Variants in NRG1 observed in about 807,000 individuals in gnomAD.
NRG1 encodes the protein pro-neuregulin-1, membrane-bound isoform.
Under a neutral mutation model 63.8 loss-of-function variants are expected in NRG1, and 18 were observed. That is an observed-to-expected ratio of 0.28 (90% CI 0.19 to 0.42). NRG1 has a LOEUF of 0.42. NRG1 is among the 10% of genes least tolerant of loss of function. NRG1 has a pLI of 1.00. For missense variants in NRG1, 762 were observed against 814.7 expected (o/e 0.94, Z 0.79); for synonymous variants, 302 against 301.3 (o/e 1.00, Z -0.02).
At chr8:32,275,555 A>C (rs572844693) in intron 1 of NRG1, among the ~76,000 whole-genome samples, 1 of 152,270 alleles carries the variant, frequency 6.6e-6, no homozygotes, top group South Asian at 2.1e-4. Context: ...ATGAAAGAGC[A>C]AAATCCCTGG....
At chr8:32,759,637 C>T (rs757250953) in intron 10 of NRG1, among the ~76,000 whole-genome samples, 63 of 152,150 alleles carry the variant, frequency 4.1e-4, no homozygotes, top group Non-Finnish European at 1.2e-4. Flanking sequence ...CCGTTGTTTC[C>T]CATTCCTGAG....
At chr8:32,001,081 C>T (rs372670013) in intron 1 of NRG1, among the ~76,000 whole-genome samples, 5 of 152,038 alleles carry the variant, frequency 3.3e-5, no homozygotes, top group Non-Finnish European at 7.4e-5. Flanking sequence ...CATGTTCCCC[C>T]TATTATGAAC....
At position 32,079,088 on chromosome 8, in the gene NRG1, T is replaced by C. The variant is rs144589417; in HGVS notation, c.37+439657T>C. Among the ~76,000 whole-genome samples, 402 of 152,020 alleles carry C rather than the reference T, an allele frequency of 2.6e-3. 4 individuals carry two copies. The highest frequency in any genetic ancestry group is 9.2e-3 in the African/African-American group (382 of 41,500). On this transcript the variant is annotated intron_variant, in intron 1 of 10. Transcript: ENST00000519301. ...GGAAAGAAGCAAGGATCCCCAGTTATGCTGATTGGAACTAGGACTAATGGT... is the reference window on the plus strand; with the variant it reads ...GGAAAGAAGCAAGGATCCCCAGTTACGCTGATTGGAACTAGGACTAATGGT...
At chr8:32,670,454 A>G (rs1363452881) in intron 5 of NRG1, among the ~76,000 whole-genome samples, 1 of 152,070 alleles carries the variant, frequency 6.6e-6, no homozygotes, top group African/African-American at 2.4e-5. Flanking sequence ...ATGGCTGACT[A>G]TAAGGGTTAT....
chr8:31,676,213 C>T (rs1042275264), intron 1 of NRG1, among the ~76,000 whole-genome samples: 2 of 151,944 alleles, frequency 1.3e-5, no homozygotes, highest in African/African-American at 2.4e-5. Context: ...GCCTTTTGCC[C>T]GTAAGTTTAT....
chr8:31,881,791 G>A (rs186151703), intron 1 of NRG1, among the ~76,000 whole-genome samples: 90 of 152,188 alleles, frequency 5.9e-4, no homozygotes, highest in Non-Finnish European at 1.1e-3. Flanking sequence ...ATTCTCTTAA[G>A]CCAAAGCTAA....
At chr8:32,120,706 T>C (rs1833335455) in intron 1 of NRG1, among the ~76,000 whole-genome samples, 1 of 152,012 alleles carries the variant, frequency 6.6e-6, no homozygotes, top group Admixed American at 6.6e-5. Flanking sequence ...AGGGAAGAAG[T>C]TAACCTCCTG....
intron 1 of NRG1, among the ~76,000 whole-genome samples, chr8:32,232,769 T>C (rs918565002): frequency 6.6e-6 from 1 of 152,180 alleles, no homozygotes; most frequent in African/African-American, 2.4e-5. Context: ...TTTGAAGATA[T>C]TGCCTAACAA....
intron 1 of NRG1, among the ~76,000 whole-genome samples, chr8:32,582,288 A>T (rs4570114): frequency 0.26 from 38,903 of 151,416 alleles, 5,107 homozygotes; most frequent in South Asian, 0.33. Context: ...TGTAAAGATG[A>T]TGTTTTACCA....
At chr8:31,695,288 G>A (rs1012426606) in intron 1 of NRG1, among the ~76,000 whole-genome samples, 5 of 152,184 alleles carry the variant, frequency 3.3e-5, no homozygotes, top group African/African-American at 1.2e-4. Flanking sequence ...TTATGCCTCA[G>A]CCTCCCGAGT....
chr8:31,835,948 A>G (rs559132015), intron 1 of NRG1, among the ~76,000 whole-genome samples: 2 of 152,322 alleles, frequency 1.3e-5, no homozygotes, highest in South Asian at 4.1e-4. Context: ...ATGAAACTAA[A>G]GAACAGATGT....
chr8:32,749,014 G>C (rs1263346157), intron 7 of NRG1: 1 of 178,382 alleles, frequency 5.6e-6, no homozygotes, highest in East Asian at 1.8e-4. Flanking sequence ...AAGTATTTGA[G>C]GCCAGCTACC....
chr8:32,765,829 G>C (rs1338132144), exon 12 of NRG1: 1 of 152,154 alleles, frequency 6.6e-6, no homozygotes, highest in Admixed American at 6.5e-5. Context: ...GTAGGACTAA[G>C]ATTGGTCTAA....
intron 1 of NRG1, among the ~76,000 whole-genome samples, chr8:32,377,255 C>T (rs1809748818): frequency 6.6e-6 from 1 of 152,194 alleles, no homozygotes; most frequent in East Asian, 1.9e-4. Flanking sequence ...TTTGTTTCCC[C>T]ATTTACCCAA....
chr8:32,356,216 A>G (rs1484793495), intron 1 of NRG1, among the ~76,000 whole-genome samples: 1 of 152,210 alleles, frequency 6.6e-6, no homozygotes, highest in African/African-American at 2.4e-5. Context: ...CAAACATATG[A>G]AGAGAAATGT....
chr8:31,724,252 G>A (rs1322687839), intron 1 of NRG1, among the ~76,000 whole-genome samples: 1 of 152,034 alleles, frequency 6.6e-6, no homozygotes, highest in African/African-American at 2.4e-5. Flanking sequence ...TCAGGCTGGG[G>A]ATACTATGAA....
At chr8:32,307,284 A>G (rs536087926) in intron 1 of NRG1, among the ~76,000 whole-genome samples, 45 of 152,282 alleles carry the variant, frequency 3.0e-4, no homozygotes, top group Non-Finnish European at 1.9e-4. Flanking sequence ...AAAAGACTAG[A>G]TGTAGCTAAT....
intron 1 of NRG1, among the ~76,000 whole-genome samples, chr8:32,109,490 G>C (rs1831717204): frequency 6.6e-6 from 1 of 152,178 alleles, no homozygotes. Flanking sequence ...ACTGAGAAGA[G>C]AATCCATGTA....
chr8:32,051,231 G>A (rs959801660), intron 1 of NRG1, among the ~76,000 whole-genome samples: 5 of 151,994 alleles, frequency 3.3e-5, no homozygotes, highest in African/African-American at 4.8e-5. Flanking sequence ...TTTAAAATAC[G>A]TCTTGACTAC....
Sources: gnomAD v4.1 joint callset for allele counts (sites outside exome capture counted in the v4.1 genomes callset) on GRCh38, gnomAD v4.1.1 for gene constraint, MANE v1.5 for transcripts, NCBI Gene and HGNC (gene_info 2026-07-23, HGNC 2026-07-21) for gene names.